DIAPH3: variants seen among roughly 807,000 people sequenced by gnomAD.
The protein encoded by DIAPH3 is diaphanous related formin 3.
In DIAPH3, 117 loss-of-function variants were observed where a neutral mutation model predicts 144.3. The observed-to-expected ratio is 0.81, with a 90% CI of 0.70 to 0.95. The LOEUF (loss-of-function observed/expected upper bound fraction) is 0.95, where lower values mean the gene tolerates loss of function less well. Among genes scored for constraint, DIAPH3 ranks in the 40% least tolerant of loss-of-function variants. The pLI is 0.00. For synonymous variants in DIAPH3, 519 were observed against 488.9 expected (o/e 1.06, Z -0.81); for missense variants, 1,421 against 1,412.7 (o/e 1.01, Z -0.09).
At chr13:59,985,066 C>A (rs1165327992) in intron 12 of DIAPH3, among the ~76,000 whole-genome samples, 5 of 138,740 alleles carry the variant, frequency 3.6e-5, no homozygotes, top group East Asian at 2.1e-4. Context: ...TGATGCAAAA[C>A]TCCTCAATAA....
chr13:60,101,784 C>A (rs552709579), intron 3 of DIAPH3, among the ~76,000 whole-genome samples: 5 of 152,256 alleles, frequency 3.3e-5, no homozygotes, highest in Middle Eastern at 3.4e-3. Context: ...TTATCTCTGA[C>A]CTCAATCTTC....
At chr13:59,823,965 T>C (rs1473460230) in intron 24 of DIAPH3, among the ~76,000 whole-genome samples, 2 of 152,324 alleles carry the variant, frequency 1.3e-5, no homozygotes, top group East Asian at 3.9e-4. Flanking sequence ...AAATTGATTT[T>C]ATATTTGTTC....
chr13:59,996,551 A>G (rs1034543285), intron 9 of DIAPH3, among the ~76,000 whole-genome samples: 4 of 152,052 alleles, frequency 2.6e-5, no homozygotes, highest in Admixed American at 2.0e-4. Flanking sequence ...AACTAAAAGT[A>G]TAGTACAAGG....
chr13:59,778,277 T>C (rs186600018), intron 25 of DIAPH3, among the ~76,000 whole-genome samples: 3 of 152,332 alleles, frequency 2.0e-5, no homozygotes, highest in Non-Finnish European at 2.9e-5. Context: ...GTAATACATA[T>C]ACCAATAAAT....
At chr13:59,842,765 G>A (rs1472936225) in intron 22 of DIAPH3, among the ~76,000 whole-genome samples, 1 of 152,092 alleles carries the variant, frequency 6.6e-6, no homozygotes, top group Non-Finnish European at 1.5e-5. Flanking sequence ...TATGATTGTA[G>A]CTTTATTATG....
rs2042218447 is a variant in DIAPH3 at position 59,839,401 on chromosome 13, G to A, written c.2785C>T (p.Leu929Phe). 2 of 1,613,610 alleles carry A rather than the reference G, an allele frequency of 1.2e-6. No homozygotes were observed. The highest frequency in any genetic ancestry group is 2.2e-5 in the East Asian group (1 of 44,840). The change falls in exon 23 of 28, where the codon CTT (leucine) becomes TTT (phenylalanine). Residue 929 changes from leucine (L) to phenylalanine (F), a missense_variant. Leu to Phe is a conservative substitution (Grantham distance 22, BLOSUM62 0). Coordinates refer to ENST00000400324, the MANE Select transcript of DIAPH3 (RefSeq NM_001042517.2). ...TCCAATTCCTTCTCAAGCTGTTGAA[G>A]CTGCCTTCCCATCTGCCTCAAATTC... The part of the protein sequence containing the change: ...EKNLRQMGRQ[L>F]QQLEKELETF...
At chr13:59,859,577 G>A (rs762920790) in intron 22 of DIAPH3, among the ~76,000 whole-genome samples, 10 of 151,930 alleles carry the variant, frequency 6.6e-5, no homozygotes, top group South Asian at 2.1e-4. Context: ...AAAAACTCCC[G>A]GTGTATTTCA....
Position 59,665,722 on chromosome 13 carries a change from AT to A in DIAPH3, c.*861del, listed in dbSNP as rs2031975621. ...ACTTATTTAGATCTTTGTTAAAGTT[AT>A]TGATTGTCAGATCAGAGAAATTGCA... On this transcript the variant is annotated 3_prime_UTR_variant, in exon 28 of 28. Coordinates refer to ENST00000400324, the MANE Select transcript of DIAPH3 (RefSeq NM_001042517.2). The A allele has an allele frequency of 6.6e-6, 1 of 152,648 alleles. No homozygotes were observed. Among genetic ancestry groups the A allele is most frequent in the Admixed American group, 6.5e-5 (1 of 15,288 alleles). 9.5% of individuals were successfully genotyped at this position (152,648 alleles called of 1,614,324 possible). A position where few individuals can be genotyped will look rare whatever the true frequency, so the allele number is the denominator to read the frequency against.
Position 59,879,269 on chromosome 13 carries a change from T to C in DIAPH3, c.2567A>G (p.Asn856Ser). The C allele has an allele frequency of 1.2e-6, 2 of 1,613,878 alleles. No individual in the cohort carries two copies. Among genetic ancestry groups the C allele is most frequent in the Non-Finnish European group, 1.7e-6 (2 of 1,179,840 alleles). Residue 856 changes from asparagine to serine, a missense_variant, in exon 21 of 28, where the codon AAT becomes AGT. By Grantham distance (46) the Asn-to-Ser change is conservative (BLOSUM62 1). Coordinates refer to ENST00000400324, the MANE Select transcript of DIAPH3 (RefSeq NM_001042517.2). ...MGNYMNAGSR[N>S]AQTFGFNLSS... The stretch of plus-strand genomic sequence containing the variant: ...AAGGTTAAATCCGAAGGTTTGAGCA[T>C]TCCGGGAGCCAGCATTCATGTAGTT...
chr13:59,768,302 A>G (rs1299655451), intron 27 of DIAPH3, among the ~76,000 whole-genome samples: 1 of 152,134 alleles, frequency 6.6e-6, no homozygotes, highest in Non-Finnish European at 1.5e-5. Context: ...AAATAGGCCA[A>G]TGACATTTAG....
intron 5 of DIAPH3, 70 bp from the exon 6 acceptor site, chr13:60,016,215 C>G: frequency 7.5e-7 from 1 of 1,334,364 alleles, no homozygotes; most frequent in African/African-American, 1.5e-5. Flanking sequence ...TATATACCTA[C>G]AAGTATTTTA....
intron 26 of DIAPH3, 59 bp downstream of exon 26, chr13:59,774,668 CA>C: frequency 6.7e-7 from 1 of 1,481,676 alleles, no homozygotes; most frequent in South Asian, 1.1e-5. Flanking sequence ...ATGAGAAAAA[CA>C]GGATTCTTTC....
intron 1 of DIAPH3, among the ~76,000 whole-genome samples, chr13:60,160,051 C>T (rs529637159): frequency 1.3e-4 from 20 of 152,154 alleles, no homozygotes; most frequent in Admixed American, 9.8e-4. Context: ...CGGTTAACCC[C>T]GTCTCCACTA....
intron 1 of DIAPH3, among the ~76,000 whole-genome samples, chr13:60,155,987 A>G (rs1037352868): frequency 6.6e-6 from 1 of 152,236 alleles, no homozygotes; most frequent in African/African-American, 2.4e-5. Context: ...TTCATTTCCT[A>G]TGGCAGGTGT....
chr13:59,995,260 A>G (rs2140854420), intron 9 of DIAPH3, among the ~76,000 whole-genome samples: 1 of 151,974 alleles, frequency 6.6e-6, no homozygotes, highest in South Asian at 2.1e-4. Context: ...AAAAAATGAG[A>G]ACCAAAAGTG....
At chr13:59,823,119 A>C (rs1346681938) in intron 24 of DIAPH3, among the ~76,000 whole-genome samples, 4 of 152,210 alleles carry the variant, frequency 2.6e-5, no homozygotes, top group African/African-American at 7.2e-5. Flanking sequence ...AAGAAATAAA[A>C]ATTAGCAGTT....
At chr13:59,755,266 G>A (rs535119052) in intron 27 of DIAPH3, among the ~76,000 whole-genome samples, 1 of 152,026 alleles carries the variant, frequency 6.6e-6, no homozygotes, top group African/African-American at 2.4e-5. Context: ...GCACAGCCAG[G>A]GCAAGGTCAA....
intron 17 of DIAPH3, among the ~76,000 whole-genome samples, chr13:59,927,358 G>C (rs1005053058): frequency 3.9e-5 from 6 of 151,970 alleles, no homozygotes; most frequent in African/African-American, 1.4e-4. Flanking sequence ...CTGTCATTTT[G>C]TTGATCATTT....
chr13:59,791,883 C>T (rs958044696), intron 25 of DIAPH3, among the ~76,000 whole-genome samples: 1 of 152,182 alleles, frequency 6.6e-6, no homozygotes. Context: ...ATTAGAATTA[C>T]TTCAATCTGC....
Sources: gnomAD v4.1 joint callset for allele counts (sites outside exome capture counted in the v4.1 genomes callset) on GRCh38, gnomAD v4.1.1 for gene constraint, MANE v1.5 for transcripts, NCBI Gene and HGNC (gene_info 2026-07-23, HGNC 2026-07-21) for gene names.